SNX30: variants seen among roughly 807,000 people sequenced by gnomAD.
SNX30 encodes sorting nexin-30.
Under a neutral mutation model 46.4 loss-of-function variants are expected in SNX30, and 24 were observed. The observed-to-expected ratio is 0.52, with a 90% CI of 0.37 to 0.73. The LOEUF (loss-of-function observed/expected upper bound fraction) is 0.73. Among genes scored for constraint, SNX30 ranks in the 30% least tolerant of loss-of-function variants. The pLI is 0.00. For missense variants in SNX30, 533 were observed against 555.7 expected, an observed-to-expected ratio of 0.96 and a Z score of 0.41; for synonymous variants, 189 against 211.5, an observed-to-expected ratio of 0.89 and a Z score of 0.92.
chr9:112,843,613 G>C (rs111745747), intron 6 of SNX30, among the ~76,000 whole-genome samples: 4,371 of 142,842 alleles, frequency 0.031, 232 homozygotes, highest in African/African-American at 0.1. Context: ...GTAGGAGCCT[G>C]GTCCTGCAGT....
At chr9:112,859,500 A>C (rs1327574768) in intron 7 of SNX30, among the ~76,000 whole-genome samples, 1 of 152,200 alleles carries the variant, frequency 6.6e-6, no homozygotes, top group Non-Finnish European at 1.5e-5. Context: ...ATCATATAGT[A>C]GTTCTATTTT....
At chr9:112,885,136 CTATCT>C (rs1362257509), downstream of SNX30, 2 of 152,098 alleles carry the variant, frequency 1.3e-5, no homozygotes, top group Admixed American at 6.6e-5. Context: ...TTTGGTCTTC[CTATCT>C]TATTTTTCTC....
chr9:112,788,145 C>T (rs1017651141), intron 1 of SNX30, among the ~76,000 whole-genome samples: 3 of 152,050 alleles, frequency 2.0e-5, no homozygotes, highest in African/African-American at 7.2e-5. Flanking sequence ...AACCACTTGG[C>T]ACCTGCTATT....
intron 1 of SNX30, among the ~76,000 whole-genome samples, chr9:112,784,997 C>T (rs1304000176): frequency 6.6e-6 from 1 of 152,118 alleles, no homozygotes; most frequent in Non-Finnish European, 1.5e-5. Flanking sequence ...TTTTGCTTTC[C>T]ATATCTTCTA....
rs541220014 is a variant in SNX30 at position 112,829,825 on chromosome 9, G to A, written c.460-900G>A. On this transcript the variant is annotated intron_variant, in intron 3 of 8. Coordinates refer to ENST00000374232, the MANE Select transcript of SNX30 (RefSeq NM_001012994.2). ...GCCATCTTAGCAGGTATGAAATGGC[G>A]TATCATGATGGTTTTACTGATGTTA... Among the ~76,000 whole-genome samples the A allele has an allele frequency of 2.6e-5, 4 of 151,756 alleles. No homozygotes were observed. The South Asian group carries it at 6.2e-4, about 24-fold the overall frequency.
intron 1 of SNX30, among the ~76,000 whole-genome samples, chr9:112,756,658 A>C (rs1031514604): frequency 2.0e-5 from 3 of 151,832 alleles, no homozygotes; most frequent in East Asian, 3.9e-4. Flanking sequence ...ACGGGGTTTC[A>C]CCATATTGGC....
intron 1 of SNX30, among the ~76,000 whole-genome samples, chr9:112,776,750 G>C (rs984310620): frequency 6.6e-6 from 1 of 152,240 alleles, no homozygotes; most frequent in East Asian, 1.9e-4. Flanking sequence ...GGAGCAGATA[G>C]AGTCTAGGTC....
chr9:112,840,911 C>T (rs985167011), intron 6 of SNX30, among the ~76,000 whole-genome samples: 2 of 152,116 alleles, frequency 1.3e-5, no homozygotes, highest in Admixed American at 6.5e-5. Flanking sequence ...TCCTGAGCAG[C>T]TGGGACCACA....
chr9:112,751,296 A>C, intron 1 of SNX30, 139 bp downstream of exon 1: 2 of 1,123,342 alleles, frequency 1.8e-6, no homozygotes, highest in Non-Finnish European at 2.3e-6. Context: ...CTGGCCCCGG[A>C]GCCCTCGGCG....
At chr9:112,791,434 G>A (rs1279144363) in intron 1 of SNX30, among the ~76,000 whole-genome samples, 25 of 38,660 alleles carry the variant, frequency 6.5e-4, no homozygotes, top group African/African-American at 1.9e-3. Flanking sequence ...TTTTTGAGAC[G>A]GAGCCTTGCT....
downstream of SNX30, chr9:112,885,440 G>GTATATATATA (rs10664207): frequency 8.1e-5 from 12 of 147,552 alleles, no homozygotes; most frequent in African/African-American, 2.0e-4. Flanking sequence ...ATATATATGT[G>GTATATATATA]TATATATATA....
rs910099530 is a variant in SNX30 at position 112,836,653 on chromosome 9, C to G, written c.814+244C>G. Among the ~76,000 whole-genome samples, 5 of 152,318 alleles carry G rather than the reference C, an allele frequency of 3.3e-5. No homozygotes were observed. The East Asian group carries it at 5.8e-4, about 18-fold the overall frequency. On this transcript the variant is annotated intron_variant, in intron 5 of 8. Coordinates refer to ENST00000374232, the MANE Select transcript of SNX30 (RefSeq NM_001012994.2). Reference sequence around the variant, plus strand: ...TTTCCCATGGCCAGCACTGCTGATTCGCCAGGTGTTTCCTCTTTTATGCTC... The same window carrying G: ...TTTCCCATGGCCAGCACTGCTGATTGGCCAGGTGTTTCCTCTTTTATGCTC...
chr9:112,868,976 CT>C lies in SNX30; in HGVS notation c.*134del. 1 of 859,678 alleles carries C rather than the reference CT, an allele frequency of 1.2e-6. No homozygotes were observed. Among genetic ancestry groups the C allele is most frequent in the Non-Finnish European group, 1.9e-6 (1 of 522,362 alleles). 53.3% of individuals were successfully genotyped at this position (859,678 alleles called of 1,614,324 possible). On this transcript the variant is annotated 3_prime_UTR_variant, in exon 9 of 9. Coordinates refer to ENST00000374232, the MANE Select transcript of SNX30 (RefSeq NM_001012994.2). Reference sequence around the variant, plus strand: ...ACATCTCTCCTTTGTGTATTTTTCCCTCCCCCACCTTTCACCCCACAGTGGT... The same window carrying C: ...ACATCTCTCCTTTGTGTATTTTTCCCCCCCCACCTTTCACCCCACAGTGGT...
chr9:112,780,319 T>A (rs1839825652), intron 1 of SNX30, among the ~76,000 whole-genome samples: 2 of 152,222 alleles, frequency 1.3e-5, no homozygotes, highest in Non-Finnish European at 2.9e-5. Context: ...CCTTCAACAT[T>A]GTGAATGTAT....
downstream of SNX30, among the ~76,000 whole-genome samples, chr9:112,884,338 A>T (rs531714428): frequency 1.3e-5 from 2 of 152,236 alleles, no homozygotes; most frequent in Non-Finnish European, 2.9e-5. Flanking sequence ...ATTGGAATGT[A>T]GCTTTTCTTC....
At chr9:112,820,378 G>A (rs1422946309) in intron 3 of SNX30, among the ~76,000 whole-genome samples, 1 of 152,164 alleles carries the variant, frequency 6.6e-6, no homozygotes, top group Non-Finnish European at 1.5e-5. Context: ...TTGCTAGGAG[G>A]TGTCTGTCTG....
chr9:112,884,853 A>G (rs1052474800), downstream of SNX30, among the ~76,000 whole-genome samples: 6 of 152,234 alleles, frequency 3.9e-5, no homozygotes, highest in South Asian at 2.1e-4. Flanking sequence ...AAGAGACTAC[A>G]TTAACCAACT....
chr9:112,761,804 A>G (rs1288519383), intron 1 of SNX30, among the ~76,000 whole-genome samples: 1 of 152,160 alleles, frequency 6.6e-6, no homozygotes, highest in Non-Finnish European at 1.5e-5. Flanking sequence ...AGCCTACTCA[A>G]ACTTCAAGGC....
intron 6 of SNX30, among the ~76,000 whole-genome samples, chr9:112,847,183 T>C (rs1408564998): frequency 6.6e-6 from 1 of 152,218 alleles, no homozygotes; most frequent in African/African-American, 2.4e-5. Context: ...TGTTTAGCCT[T>C]TTTATTATAG....
Sources: allele counts gnomAD v4.1 joint callset (sites outside exome capture counted in the v4.1 genomes callset), GRCh38; gene constraint gnomAD v4.1.1; transcripts MANE v1.5; gene names NCBI Gene and HGNC (gene_info 2026-07-23, HGNC 2026-07-21).